SLC8A1: variants seen among roughly 807,000 people sequenced by gnomAD.
SLC8A1 encodes the protein solute carrier family 8 member A1, also known as sodium/calcium exchanger 1.
A neutral mutation model predicts 68.3 loss-of-function variants in SLC8A1; 18 were observed. The observed-to-expected ratio is 0.26, with a 90% confidence interval of 0.18 to 0.39. The LOEUF is 0.39. SLC8A1 is among the 10% of genes least tolerant of loss of function. SLC8A1 has a pLI of 1.00. For synonymous variants in SLC8A1, 475 were observed against 415.5 expected (o/e 1.14, Z -1.74); for missense variants, 985 against 1,156.7 (o/e 0.85, Z 2.15).
At chr2:40,133,405 G>T (rs1046335994) in intron 7 of SLC8A1, among the ~76,000 whole-genome samples, 3 of 106,230 alleles carry the variant, frequency 2.8e-5, no homozygotes, top group African/African-American at 7.5e-5. Flanking sequence ...GGGGGGGGGG[G>T]TGGAAACCAA....
At chr2:40,234,246 C>T (rs2060065120) in intron 2 of SLC8A1, among the ~76,000 whole-genome samples, 1 of 151,792 alleles carries the variant, frequency 6.6e-6, no homozygotes, top group Admixed American at 6.6e-5. Flanking sequence ...GAATGTTCTT[C>T]CATTTGTTTG....
intron 2 of SLC8A1, among the ~76,000 whole-genome samples, chr2:40,243,487 A>C (rs982055194): frequency 3.3e-5 from 5 of 152,202 alleles, no homozygotes; most frequent in Admixed American, 6.5e-5. Flanking sequence ...TGTCTCAAAA[A>C]AGAGAAAAAG....
intron 2 of SLC8A1, among the ~76,000 whole-genome samples, chr2:40,421,268 C>A (rs1037993896): frequency 6.6e-6 from 1 of 152,140 alleles, no homozygotes; most frequent in Non-Finnish European, 1.5e-5. Flanking sequence ...TGACCATCTT[C>A]CTCATTTTAC....
At chr2:40,253,129 GTATATA>G (rs1186277169) in intron 2 of SLC8A1, among the ~76,000 whole-genome samples, 19 of 106,210 alleles carry the variant, frequency 1.8e-4, no homozygotes, top group African/African-American at 7.1e-4. Context: ...ATATATACAC[GTATATA>G]TGTATATGTA....
chr2:40,323,899 A>G (rs2075505186), intron 2 of SLC8A1, among the ~76,000 whole-genome samples: 1 of 152,112 alleles, frequency 6.6e-6, no homozygotes, highest in Admixed American at 6.6e-5. Context: ...CAGGAGTTTA[A>G]TTGTAAAAAA....
intron 5 of SLC8A1, among the ~76,000 whole-genome samples, chr2:40,162,880 C>T (rs1039391454): frequency 6.6e-6 from 1 of 152,086 alleles, no homozygotes; most frequent in Non-Finnish European, 1.5e-5. Flanking sequence ...CAGAGTGGGC[C>T]ATTGAAAGGT....
At chr2:40,217,135 G>C (rs1036238927) in intron 2 of SLC8A1, among the ~76,000 whole-genome samples, 1 of 152,306 alleles carries the variant, frequency 6.6e-6, no homozygotes, top group Non-Finnish European at 1.5e-5. Flanking sequence ...TTACATTAAA[G>C]TCTTGAATCC....
At chr2:40,348,792 G>C (rs1437413885) in intron 2 of SLC8A1, among the ~76,000 whole-genome samples, 1 of 152,186 alleles carries the variant, frequency 6.6e-6, no homozygotes, top group Non-Finnish European at 1.5e-5. Flanking sequence ...GCGGTATTCA[G>C]TCTGGAGGAA....
intron 2 of SLC8A1, among the ~76,000 whole-genome samples, chr2:40,302,437 TTGTGTGTG>T (rs60780425): frequency 1.2e-3 from 158 of 132,950 alleles, no homozygotes; most frequent in African/African-American, 4.0e-3. Flanking sequence ...TAGTATTCCA[TTGTGTGTG>T]TGTGTGTGTG....
intron 2 of SLC8A1, among the ~76,000 whole-genome samples, chr2:40,240,512 A>G (rs1044677989): frequency 1.3e-5 from 2 of 152,210 alleles, no homozygotes; most frequent in African/African-American, 2.4e-5. Flanking sequence ...AGAGAAATAA[A>G]AAAATTCCTG....
At chr2:40,201,586 C>A (rs1558729764) in intron 2 of SLC8A1, among the ~76,000 whole-genome samples, 1 of 151,914 alleles carries the variant, frequency 6.6e-6, no homozygotes, top group Non-Finnish European at 1.5e-5. Flanking sequence ...CTAAGCTTTG[C>A]CTTTGTAAGT....
At chr2:40,117,630 T>A (rs2035778076) in intron 7 of SLC8A1, among the ~76,000 whole-genome samples, 1 of 151,940 alleles carries the variant, frequency 6.6e-6, no homozygotes, top group Admixed American at 6.6e-5. Flanking sequence ...ATAGCAGATA[T>A]TAATAACTGT....
At position 40,374,833 on chromosome 2, in the gene SLC8A1, A is replaced by ATGT. The variant is rs567667273; in HGVS notation, c.1808+53637_1808+53639dup. On this transcript the variant is annotated intron_variant, in intron 2 of 7. Transcript: ENST00000406785. ...CTTTGTGAATGACCAAAGATGACAT[A>ATGT]TGTTTAAGGACTTTTTTTAAGAATT... Among the ~76,000 whole-genome samples the ATGT allele has an allele frequency of 2.6e-3, 391 of 152,194 alleles. 1 individual carries two copies. Among genetic ancestry groups the ATGT allele is most frequent in the Middle Eastern group, 0.017 (5 of 294 alleles).
upstream of SLC8A1, among the ~76,000 whole-genome samples, chr2:40,455,952 C>T (rs1425880638): frequency 2.0e-5 from 3 of 149,256 alleles, no homozygotes; most frequent in African/African-American, 7.4e-5. Context: ...TCCTCTGAGT[C>T]GCCAATGAAT....
exon 8 of SLC8A1, chr2:40,114,624 G>C (rs1010493319): frequency 8.5e-5 from 13 of 152,664 alleles, no homozygotes; most frequent in African/African-American, 2.7e-4. Flanking sequence ...GGATTTCCTG[G>C]CTCCATTCCA....
At chr2:40,330,556 T>C (rs1192289269) in intron 2 of SLC8A1, among the ~76,000 whole-genome samples, 4 of 152,164 alleles carry the variant, frequency 2.6e-5, no homozygotes, top group African/African-American at 7.2e-5. Context: ...TCCCTGAATT[T>C]ACACATCAGT....
intron 6 of SLC8A1, among the ~76,000 whole-genome samples, chr2:40,145,615 T>G (rs1354785099): frequency 6.6e-6 from 1 of 152,182 alleles, no homozygotes; most frequent in Non-Finnish European, 1.5e-5. Context: ...TCTCTTTTCT[T>G]TAAAGGTTCT....
At chr2:40,337,306 T>C (rs1315039547) in intron 2 of SLC8A1, 5 of 352,310 alleles carry the variant, frequency 1.4e-5, no homozygotes, top group Admixed American at 2.4e-5. Context: ...TTATGCATCA[T>C]CATAAACAGT....
intron 2 of SLC8A1, among the ~76,000 whole-genome samples, chr2:40,253,436 TAAGC>T (rs910055102): frequency 1.3e-5 from 2 of 151,842 alleles, no homozygotes; most frequent in Non-Finnish European, 2.9e-5. Context: ...TAATTTGAAA[TAAGC>T]AAGGCACAGA....
Sources: gnomAD v4.1 joint callset for allele counts (sites outside exome capture counted in the v4.1 genomes callset) on GRCh38, gnomAD v4.1.1 for gene constraint, MANE v1.5 for transcripts, NCBI Gene and HGNC (gene_info 2026-07-23, HGNC 2026-07-21) for gene names.